The following KAZN variants were observed in gnomAD, a reference collection of about 807,000 sequenced individuals.
The protein encoded by KAZN is kazrin.
In KAZN, 40 loss-of-function variants were observed where a neutral mutation model predicts 87.4. The observed-to-expected ratio is 0.46, with a 90% CI of 0.36 to 0.60. The LOEUF is 0.60. KAZN is among the 20% of genes least tolerant of loss of function. The probability of loss-of-function intolerance (pLI) is 0.00; values close to 1 mark genes in which losing one functional copy is unlikely to be tolerated. For synonymous variants in KAZN, 466 were observed against 458.3 expected, an observed-to-expected ratio of 1.02 and a Z score of -0.22; for missense variants, 898 against 1,073.9, an observed-to-expected ratio of 0.84 and a Z score of 2.29.
At chr1:14,043,738 C>A (rs1011126306) in intron 1 of KAZN, among the ~76,000 whole-genome samples, 7 of 152,032 alleles carry the variant, frequency 4.6e-5, no homozygotes, top group Non-Finnish European at 7.4e-5. Flanking sequence ...CTCTTTAATC[C>A]TCACATCAAC....
At chr1:14,328,894 C>G (rs1366862222) in intron 2 of KAZN, among the ~76,000 whole-genome samples, 8 of 151,806 alleles carry the variant, frequency 5.3e-5, no homozygotes, top group African/African-American at 1.7e-4. Context: ...GGTGACATGT[C>G]TAACAGAAGC....
intron 8 of KAZN, among the ~76,000 whole-genome samples, chr1:15,076,574 C>T (rs1395303191): frequency 6.6e-6 from 1 of 152,236 alleles, no homozygotes; most frequent in African/African-American, 2.4e-5. Context: ...CAGAGGCCCA[C>T]GTGACAGAAA....
rs1374251015 is a variant in KAZN at position 15,056,866 on chromosome 1, G to A, written c.916+586G>A. 1.3e-5 allele frequency among the ~76,000 whole-genome samples: 2 copies of A among 152,232 alleles called. No homozygotes were observed. Among genetic ancestry groups the A allele is most frequent in the Non-Finnish European group, 2.9e-5 (2 of 68,044 alleles). On this transcript the variant is annotated intron_variant, in intron 5 of 14. Coordinates refer to ENST00000376030, the MANE Select transcript of KAZN (RefSeq NM_201628.3). This position sits in a 1 kb window ranked among gnomAD's most constrained non-coding sequence, Gnocchi z 5.4. ...TCTGCACCTACTGCCCATGGAACAGGCTCCAAACTTCTCGCTGTCCTGTTG... is the reference window on the plus strand; with the variant it reads ...TCTGCACCTACTGCCCATGGAACAGACTCCAAACTTCTCGCTGTCCTGTTG...
chr1:14,257,647 A>G (rs1650622888), intron 2 of KAZN, among the ~76,000 whole-genome samples: 1 of 149,930 alleles, frequency 6.7e-6, no homozygotes, highest in African/African-American at 2.5e-5. Context: ...TGATTTTTGT[A>G]TAAGATGTAA....
Position 14,599,271 on chromosome 1 carries a change from C to T in KAZN, c.226+48C>T. On this transcript the variant is annotated intron_variant, in intron 1 of 14. Transcript: ENST00000376030. This position sits in a 1 kb window ranked among gnomAD's most constrained non-coding sequence, Gnocchi z 4.4. ...GGCGGAGGAAGGCGAGCAGAGCACG[C>T]CCGGCCTCGGAGGTGGCCGGGGACC... 7.7e-7 allele frequency: 1 copy of T among 1,300,924 alleles called. No homozygotes were observed. Among genetic ancestry groups the T allele is most frequent in the African/African-American group, 1.5e-5 (1 of 64,938 alleles). The allele number at this position is 1,300,924 out of a possible 1,614,324, so 80.6% of individuals were successfully genotyped here. A position where few individuals can be genotyped will look rare whatever the true frequency, so the allele number is the denominator to read the frequency against.
chr1:14,131,955 A>C (rs780257974), intron 1 of KAZN, among the ~76,000 whole-genome samples: 1 of 152,146 alleles, frequency 6.6e-6, no homozygotes, highest in Non-Finnish European at 1.5e-5. Context: ...TAACATATCA[A>C]TTCCCAATGA....
intron 2 of KAZN, among the ~76,000 whole-genome samples, chr1:14,421,776 C>T (rs908779931): frequency 2.6e-5 from 4 of 152,134 alleles, no homozygotes; most frequent in Non-Finnish European, 5.9e-5. Flanking sequence ...CAAAATTTCT[C>T]TCGGAGTTGG....
chr1:13,976,662 AAT>A (rs1295334843), intron 1 of KAZN, among the ~76,000 whole-genome samples: 1 of 152,084 alleles, frequency 6.6e-6, no homozygotes, highest in Admixed American at 6.6e-5. Context: ...TATCTACATG[AAT>A]ATAAATGCAT....
At chr1:14,109,813 C>CTTTTTTTTTTTTGA (rs1289460974) in intron 1 of KAZN, among the ~76,000 whole-genome samples, 8 of 125,470 alleles carry the variant, frequency 6.4e-5, no homozygotes, top group African/African-American at 1.5e-4. Context: ...CTTATCAAAA[C>CTTTTTTTTTTTTGA]GATTTCAGCG....
chr1:14,775,930 C>G (rs1309903004), intron 1 of KAZN, among the ~76,000 whole-genome samples: 1 of 152,224 alleles, frequency 6.6e-6, no homozygotes, highest in African/African-American at 2.4e-5. Flanking sequence ...GTCTCTTCCA[C>G]ATGGAACCAC....
chr1:13,893,856 A>G, intron 1 of KAZN: 1 of 1,339,186 alleles, frequency 7.5e-7, no homozygotes, highest in Non-Finnish European at 1.0e-6. Flanking sequence ...TGTGTCTGTC[A>G]GTCTACCTCA....
chr1:13,974,548 G>A (rs1298262216), intron 1 of KAZN, among the ~76,000 whole-genome samples: 3 of 152,212 alleles, frequency 2.0e-5, no homozygotes, highest in Non-Finnish European at 4.4e-5. Flanking sequence ...TAAGAGACAA[G>A]TATCCCTTAT....
chr1:14,598,989 A>G lies in KAZN; in HGVS notation c.-9A>G. 1.9e-6 allele frequency: 3 copies of G among 1,568,460 alleles called. No homozygotes were observed. Among genetic ancestry groups the G allele is most frequent in the Non-Finnish European group, 2.6e-6 (3 of 1,160,936 alleles). On this transcript the variant is annotated 5_prime_UTR_variant, in exon 1 of 15. Transcript: ENST00000376030. This position sits in a 1 kb window ranked among gnomAD's most constrained non-coding sequence, Gnocchi z 4.2. ...TCACCTCTCTCGCCCCCAGGCCAAA[A>G]TCCTGAGCATGATGGAAGACAATAA...
chr1:14,551,341 G>A (rs112984314), intron 2 of KAZN, among the ~76,000 whole-genome samples: 22 of 152,228 alleles, frequency 1.4e-4, no homozygotes, highest in African/African-American at 3.4e-4. Flanking sequence ...GGCTCCCCTC[G>A]TATGATAAAA....
At chr1:14,325,495 T>C (rs192748389) in intron 2 of KAZN, among the ~76,000 whole-genome samples, 1 of 152,010 alleles carries the variant, frequency 6.6e-6, no homozygotes, top group East Asian at 1.9e-4. Flanking sequence ...TAAGACACCA[T>C]AAAGCATACC....
At chr1:15,060,373 G>T in intron 6 of KAZN, 71 bp downstream of exon 6, 1 of 1,590,398 alleles carries the variant, frequency 6.3e-7, no homozygotes, top group African/African-American at 1.3e-5. Context: ...GGGTGGCGGG[G>T]TGAAGCCATA....
intron 2 of KAZN, among the ~76,000 whole-genome samples, chr1:14,965,029 T>TA (rs1491570367): frequency 1.3e-5 from 2 of 150,386 alleles, no homozygotes; most frequent in African/African-American, 4.9e-5. Flanking sequence ...TATATATATA[T>TA]TTTTTTCTTT....
rs139352330 is a variant in KAZN, at chr1:14,530,707, C to G, written c.250-68276C>G. Among the ~76,000 whole-genome samples, 193 of 152,270 alleles carry G rather than the reference C, an allele frequency of 1.3e-3. 6 individuals are homozygous for G. The East Asian group carries it at 0.031, about 24-fold the overall frequency. ...TGCCATGAGTGGAAGCTTCCTGAGGCCTCCCCAGAAGCAGATGTCATCACC... is the reference window on the plus strand; with the variant it reads ...TGCCATGAGTGGAAGCTTCCTGAGGGCTCCCCAGAAGCAGATGTCATCACC... On this transcript the variant is annotated intron_variant, in intron 2 of 16. Coordinates refer to the KAZN transcript ENST00000636203.
intron 2 of KAZN, among the ~76,000 whole-genome samples, chr1:14,423,537 A>T (rs1665548685): frequency 6.6e-6 from 1 of 152,184 alleles, no homozygotes; most frequent in East Asian, 1.9e-4. Context: ...TCAGCTCCCC[A>T]CACACAGTAC....
Sources: gnomAD v4.1 joint callset for allele counts (sites outside exome capture counted in the v4.1 genomes callset) on GRCh38, gnomAD v4.1.1 for gene constraint, Gnocchi (gnomAD v3.1) non-coding constraint, MANE v1.5 for transcripts, NCBI Gene and HGNC (gene_info 2026-07-23, HGNC 2026-07-21) for gene names.